Variants in IPCEF1 observed in about 807,000 individuals in gnomAD.
IPCEF1 encodes the protein interactor protein for cytohesin exchange factors 1.
Under a neutral mutation model 50.9 loss-of-function variants are expected in IPCEF1, and 31 were observed. The ratio of observed to expected loss-of-function variants is 0.61; its 90% CI spans 0.46 to 0.82. IPCEF1 has a LOEUF of 0.82. IPCEF1 is among the 40% of genes least tolerant of loss of function. IPCEF1 has a pLI of 0.00. For missense variants in IPCEF1, 458 were observed against 514.0 expected, an observed-to-expected ratio of 0.89 and a Z score of 1.05; for synonymous variants, 181 against 192.0, an observed-to-expected ratio of 0.94 and a Z score of 0.47.
chr6:154,317,929 C>G (rs1261168719), intron 1 of IPCEF1, among the ~76,000 whole-genome samples: 4 of 152,114 alleles, frequency 2.6e-5, no homozygotes, highest in Non-Finnish European at 4.4e-5. Context: ...AGGTTGGAAA[C>G]AACCCAACTG....
intron 1 of IPCEF1, among the ~76,000 whole-genome samples, chr6:154,330,325 CTTTTTTTT>C (rs138406253): frequency 1.2e-3 from 108 of 89,264 alleles, no homozygotes; most frequent in African/African-American, 4.1e-3. Context: ...ATTATAGCCT[CTTTTTTTT>C]TTTTTTTTTT....
chr6:154,350,132 A>G (rs1784097023), intron 1 of IPCEF1, among the ~76,000 whole-genome samples: 1 of 152,236 alleles, frequency 6.6e-6, no homozygotes, highest in East Asian at 1.9e-4. Flanking sequence ...CAGATGAACC[A>G]CTAAAATGAT....
At chr6:154,223,146 T>C in intron 6 of IPCEF1, 24 bp downstream of exon 6, 1 of 1,580,072 alleles carries the variant, frequency 6.3e-7, no homozygotes. Flanking sequence ...CTCAGAGTTT[T>C]GTGGAAGATG....
intron 1 of IPCEF1, among the ~76,000 whole-genome samples, chr6:154,323,311 C>A (rs1476998902): frequency 6.6e-6 from 1 of 152,162 alleles, no homozygotes; most frequent in East Asian, 1.9e-4. Flanking sequence ...TTCCAGTTCC[C>A]TTGCTCCTTG....
intron 5 of IPCEF1, among the ~76,000 whole-genome samples, chr6:154,246,220 T>C (rs1781030214): frequency 6.6e-6 from 1 of 152,162 alleles, no homozygotes; most frequent in African/African-American, 2.4e-5. Flanking sequence ...CTCCTTTTAG[T>C]AGAGAGACCT....
intron 7 of IPCEF1, among the ~76,000 whole-genome samples, chr6:154,214,962 G>C (rs1367629565): frequency 6.6e-6 from 1 of 152,184 alleles, no homozygotes; most frequent in African/African-American, 2.4e-5. Context: ...GGTTTACTTA[G>C]GAACATATCT....
chr6:154,246,192 T>C (rs1321303728), intron 5 of IPCEF1, among the ~76,000 whole-genome samples: 1 of 152,204 alleles, frequency 6.6e-6, no homozygotes, highest in African/African-American at 2.4e-5. Context: ...GACACCCTTG[T>C]AGGTCGTGAA....
Position 154,346,358 on chromosome 6 carries a change from T to C in IPCEF1, c.-62+10314A>G, listed in dbSNP as rs190324401. Among the ~76,000 whole-genome samples, 342 of 152,356 alleles carry C rather than the reference T, an allele frequency of 2.2e-3. 1 individual carries two copies. The highest frequency in any genetic ancestry group is 2.7e-3 in the Non-Finnish European group (186 of 68,036). On this transcript the variant is annotated intron_variant, in intron 1 of 11. Transcript: ENST00000367220. Reference sequence around the variant, plus strand: ...TATTTTAAAAAATTTAAGCTCTAGATATCAAGAAAGTTGATAACACATTTT... The same window carrying C: ...TATTTTAAAAAATTTAAGCTCTAGACATCAAGAAAGTTGATAACACATTTT...
At chr6:154,240,266 GAT>G (rs1308349046) in intron 5 of IPCEF1, among the ~76,000 whole-genome samples, 1 of 152,140 alleles carries the variant, frequency 6.6e-6, no homozygotes, top group Non-Finnish European at 1.5e-5. Context: ...CAACTTCTAG[GAT>G]ACAGAAACAC....
rs552252547 is a variant in IPCEF1, at chr6:154,242,218, A to G, written c.246+4373T>C. ...TTCTCAAAGATCCTAATAATGTGTT[A>G]GCAAAATGAGAGCAGCTGTGCAGGA... On this transcript the variant is annotated intron_variant, in intron 5 of 11. Coordinates refer to ENST00000367220, the MANE Select transcript of IPCEF1 (RefSeq NM_001130700.2). 4.5e-4 allele frequency among the ~76,000 whole-genome samples: 69 copies of G among 152,318 alleles called. 1 individual carries two copies. The South Asian group carries it at 7.2e-3, about 16-fold the overall frequency.
intron 5 of IPCEF1, among the ~76,000 whole-genome samples, chr6:154,243,590 G>A (rs1426182942): frequency 6.6e-6 from 1 of 152,192 alleles, no homozygotes; most frequent in African/African-American, 2.4e-5. Flanking sequence ...CAATGACAAT[G>A]AGATCACATG....
intron 5 of IPCEF1, among the ~76,000 whole-genome samples, chr6:154,230,098 T>C (rs973379985): frequency 1.3e-5 from 2 of 152,198 alleles, no homozygotes; most frequent in Non-Finnish European, 1.5e-5. Context: ...GGGGATCTTA[T>C]TGGTACAATA....
intron 1 of IPCEF1, among the ~76,000 whole-genome samples, chr6:154,318,545 T>C (rs1783285811): frequency 2.6e-5 from 4 of 151,954 alleles, no homozygotes; most frequent in Admixed American, 2.0e-4. Context: ...GATGTGCTTC[T>C]GGTTTTAACA....
chr6:154,323,939 G>A (rs552398474), intron 1 of IPCEF1, among the ~76,000 whole-genome samples: 52 of 152,304 alleles, frequency 3.4e-4, no homozygotes, highest in Admixed American at 7.2e-4. Flanking sequence ...GATGACAAAA[G>A]CAAAACTCCA....
rs190654145 is a variant in IPCEF1 at position 154,287,378 on chromosome 6, A to G, written c.-18+2335T>C. Among the ~76,000 whole-genome samples the G allele has an allele frequency of 2.0e-5, 3 of 152,258 alleles. No homozygotes were observed. The East Asian group carries it at 5.8e-4, about 29-fold the overall frequency. ...CAGTGTGGGAATGGACTAATACACC[A>G]TCATAACTAATATTTATTAAGTGCT... On this transcript the variant is annotated intron_variant, in intron 2 of 11. Transcript: ENST00000367220.
intron 1 of IPCEF1, among the ~76,000 whole-genome samples, chr6:154,344,907 A>G (rs1197608837): frequency 6.6e-6 from 1 of 152,096 alleles, no homozygotes; most frequent in African/African-American, 2.4e-5. Context: ...CTTTTTGGAG[A>G]TAGGGTTTCA....
chr6:154,268,487 C>T (rs943706395), intron 2 of IPCEF1, among the ~76,000 whole-genome samples: 4 of 152,222 alleles, frequency 2.6e-5, no homozygotes, highest in African/African-American at 9.6e-5. Context: ...TCATCCTAGT[C>T]CAAGCCATCA....
intron 10 of IPCEF1, among the ~76,000 whole-genome samples, chr6:154,173,583 T>C (rs757217885): frequency 7.2e-5 from 11 of 151,998 alleles, no homozygotes; most frequent in Non-Finnish European, 1.3e-4. Flanking sequence ...TGATTGAAGA[T>C]CAAATTAATG....
intron 1 of IPCEF1, among the ~76,000 whole-genome samples, chr6:154,310,388 G>A (rs960772601): frequency 6.6e-6 from 1 of 152,218 alleles, no homozygotes; most frequent in Non-Finnish European, 1.5e-5. Context: ...AGAGGAAGGG[G>A]AGGAGGTCTA....
Sources: gnomAD v4.1 joint callset for allele counts (sites outside exome capture counted in the v4.1 genomes callset) on GRCh38, gnomAD v4.1.1 for gene constraint, MANE v1.5 for transcripts, NCBI Gene and HGNC (gene_info 2026-07-23, HGNC 2026-07-21) for gene names.